The following LRRC36 variants were observed in gnomAD, a reference collection of about 807,000 sequenced individuals.
The protein encoded by LRRC36 is leucine rich repeat containing 36, also known as leucine-rich repeat-containing protein 36.
LRRC36 carries 62 observed loss-of-function variants against 81.1 expected under a neutral mutation model. That is an observed-to-expected ratio of 0.76 (90% CI 0.62 to 0.94). The LOEUF is 0.94. Among genes scored for constraint, LRRC36 ranks in the 40% least tolerant of loss-of-function variants. The pLI is 0.00. For missense variants in LRRC36, 761 were observed against 881.7 expected, an observed-to-expected ratio of 0.86 and a Z score of 1.73; for synonymous variants, 334 against 348.6, an observed-to-expected ratio of 0.96 and a Z score of 0.47.
chr16:67,349,142 G>T lies in LRRC36; in HGVS notation c.489-1060G>T, dbSNP rs76738615. Among the ~76,000 whole-genome samples the T allele has an allele frequency of 3.5e-4, 54 of 152,196 alleles. No individual in the cohort carries two copies. In the East Asian group the frequency reaches 0.01, roughly 29 times the overall value. Reference sequence around the variant, plus strand: ...GTAACATTCACTACAAAAATACAGAGATTAATTAATGTGTAACTGAATAAA... The same window carrying T: ...GTAACATTCACTACAAAAATACAGATATTAATTAATGTGTAACTGAATAAA... On this transcript the variant is annotated intron_variant, in intron 4 of 13. Coordinates refer to ENST00000329956, the MANE Select transcript of LRRC36 (RefSeq NM_018296.6).
At position 67,365,349 on chromosome 16, in the gene LRRC36, G is replaced by C. The variant is rs760111401; in HGVS notation, c.748G>C (p.Glu250Gln). ...RREMPSDNHQ[E>Q]DEFRHYSPRQ... ...GGAGATGCCAAGTGACAATCACCAG[G>C]AAGATGGTAAATATTTTGCTCACTG... The change falls in exon 7 of 14, where the codon GAA becomes CAA. Residue 250 changes from glutamate (E) to glutamine (Q), a missense_variant. Glu to Gln is a conservative substitution (Grantham distance 29). Coordinates refer to ENST00000329956, the MANE Select transcript of LRRC36 (RefSeq NM_018296.6). 6.2e-7 allele frequency: 1 copy of C among 1,613,220 alleles called. No individual in the cohort carries two copies. Among genetic ancestry groups the C allele is most frequent in the African/African-American group, 1.3e-5 (1 of 74,882 alleles).
In LRRC36 at chr16:67,347,420, T is replaced by C; in HGVS notation, c.392-75T>C. 3.1e-6 allele frequency: 5 copies of C among 1,594,116 alleles called. No homozygotes were observed. The South Asian group carries it at 4.5e-5, about 14-fold the overall frequency. On this transcript the variant is annotated intron_variant, in intron 3 of 13. Coordinates refer to ENST00000329956, the MANE Select transcript of LRRC36 (RefSeq NM_018296.6). Reference sequence around the variant, plus strand: ...GGTCCTAATTTTTCCTCTGCGAATATGGTTTTCTGATTAACTACTAGTTAT... The same window carrying C: ...GGTCCTAATTTTTCCTCTGCGAATACGGTTTTCTGATTAACTACTAGTTAT...
intron 12 of LRRC36, among the ~76,000 whole-genome samples, 196 bp from the exon 13 acceptor site, chr16:67,381,937 T>A (rs1454701726): frequency 6.6e-6 from 1 of 152,204 alleles, no homozygotes; most frequent in Non-Finnish European, 1.5e-5. Flanking sequence ...ATTAAGTGGC[T>A]GAATTTTAAC....
At chr16:67,351,837 A>G (rs558410708) in intron 5 of LRRC36, among the ~76,000 whole-genome samples, 1 of 152,338 alleles carries the variant, frequency 6.6e-6, no homozygotes, top group East Asian at 1.9e-4. Context: ...TAATATTTTT[A>G]AATTGATACA....
chr16:67,359,010 G>A (rs1347547836), intron 5 of LRRC36, among the ~76,000 whole-genome samples: 1 of 152,152 alleles, frequency 6.6e-6, no homozygotes, highest in Non-Finnish European at 1.5e-5. Context: ...AATTTAAAAA[G>A]TTGCTATAAA....
At chr16:67,331,714 G>A (rs189582394) in intron 1 of LRRC36, among the ~76,000 whole-genome samples, 40 of 152,284 alleles carry the variant, frequency 2.6e-4, no homozygotes, top group African/African-American at 8.7e-4. Context: ...ATGGCCAGGT[G>A]TAGTGGCTCA....
At chr16:67,328,057 A>G (rs2037285393) in intron 1 of LRRC36, among the ~76,000 whole-genome samples, 2 of 152,164 alleles carry the variant, frequency 1.3e-5, no homozygotes, top group Non-Finnish European at 2.9e-5. Flanking sequence ...AATAGATGGT[A>G]GCTGAAGCGT....
chr16:67,341,551 ATTTC>A (rs896135041), intron 1 of LRRC36, among the ~76,000 whole-genome samples: 10 of 151,588 alleles, frequency 6.6e-5, no homozygotes, highest in Admixed American at 4.0e-4. Context: ...ACAGTTTTCT[ATTTC>A]TTTCTTTTTA....
chr16:67,343,853 G>C (rs1425550029), intron 2 of LRRC36, among the ~76,000 whole-genome samples: 2 of 151,854 alleles, frequency 1.3e-5, no homozygotes, highest in Non-Finnish European at 2.9e-5. Flanking sequence ...GTCTCACTCT[G>C]TCGTCCAGGT....
intron 1 of LRRC36, among the ~76,000 whole-genome samples, chr16:67,337,224 G>A (rs780700637): frequency 6.6e-6 from 1 of 152,070 alleles, no homozygotes; most frequent in Admixed American, 6.6e-5. Flanking sequence ...TACTGTTCAG[G>A]TCCTTGCTTT....
chr16:67,371,322 G>GT (rs1567497220), intron 9 of LRRC36, 80 bp downstream of exon 9: 1 of 1,539,544 alleles, frequency 6.5e-7, no homozygotes. Context: ...GGGAATGGAG[G>GT]TGGTTCTGAC....
At chr16:67,330,615 A>T (rs2037436065) in intron 1 of LRRC36, among the ~76,000 whole-genome samples, 1 of 152,142 alleles carries the variant, frequency 6.6e-6, no homozygotes, top group Non-Finnish European at 1.5e-5. Flanking sequence ...TAATCCCAGC[A>T]TTTTGGGAGG....
chr16:67,331,512 A>G (rs1173088586), intron 1 of LRRC36, among the ~76,000 whole-genome samples: 4 of 152,206 alleles, frequency 2.6e-5, no homozygotes, highest in African/African-American at 9.7e-5. Context: ...TTGACAGAGC[A>G]AGGCCCTATC....
intron 5 of LRRC36, among the ~76,000 whole-genome samples, chr16:67,355,262 T>C (rs2038843057): frequency 6.6e-6 from 1 of 152,146 alleles, no homozygotes; most frequent in Non-Finnish European, 1.5e-5. Flanking sequence ...TTTCAACTCA[T>C]TTGAGTACTT....
intron 5 of LRRC36, among the ~76,000 whole-genome samples, chr16:67,355,665 C>T (rs890232018): frequency 4.6e-5 from 7 of 152,104 alleles, no homozygotes; most frequent in Non-Finnish European, 1.0e-4. Flanking sequence ...TGAGCCACCG[C>T]GCCCGGTCTT....
chr16:67,341,738 T>A (rs192454781), intron 1 of LRRC36, among the ~76,000 whole-genome samples: 1 of 152,230 alleles, frequency 6.6e-6, no homozygotes, highest in Admixed American at 6.5e-5. Context: ...AGTACATCCT[T>A]CAGGGAAATT....
At chr16:67,360,930 G>A (rs2039115018) in intron 5 of LRRC36, among the ~76,000 whole-genome samples, 1 of 148,840 alleles carries the variant, frequency 6.7e-6, no homozygotes, top group Non-Finnish European at 1.5e-5. Context: ...CAAAACTCTT[G>A]TTTTCATTCA....
chr16:67,357,730 C>G (rs2038965052), intron 5 of LRRC36, among the ~76,000 whole-genome samples: 1 of 152,160 alleles, frequency 6.6e-6, no homozygotes. Context: ...GAAGTGCCCT[C>G]CAGCAGCTAG....
chr16:67,335,883 C>T (rs2037737854), intron 1 of LRRC36, among the ~76,000 whole-genome samples: 1 of 152,116 alleles, frequency 6.6e-6, no homozygotes, highest in South Asian at 2.1e-4. Flanking sequence ...CGGGCATGTG[C>T]CACTACGCCC....
Sources: gnomAD v4.1 joint callset for allele counts (sites outside exome capture counted in the v4.1 genomes callset) on GRCh38, gnomAD v4.1.1 for gene constraint, MANE v1.5 for transcripts, NCBI Gene and HGNC (gene_info 2026-07-23, HGNC 2026-07-21) for gene names.